The following WNT3 variants were observed in gnomAD, a reference collection of about 807,000 sequenced individuals.
The protein encoded by WNT3 is Wnt family member 3.
A neutral mutation model predicts 34.2 loss-of-function variants in WNT3; 7 were observed. The ratio of observed to expected loss-of-function variants is 0.20; its 90% confidence interval spans 0.12 to 0.38. The LOEUF (loss-of-function observed/expected upper bound fraction) is 0.38. WNT3 is among the 10% of genes least tolerant of loss of function. The pLI, the probability that WNT3 is intolerant of heterozygous loss-of-function variation, is 1.00. For missense variants in WNT3, 267 were observed against 499.8 expected (o/e 0.53, Z 4.44); for synonymous variants, 212 against 211.5 (o/e 1.00, Z -0.02).
intron 1 of WNT3, among the ~76,000 whole-genome samples, chr17:46,775,884 A>G (rs1004622870): frequency 6.6e-6 from 1 of 152,018 alleles, no homozygotes; most frequent in Non-Finnish European, 1.5e-5. Context: ...AAGTGCTGGG[A>G]TTACAGGCGC....
rs1198766941 is a variant in WNT3 at position 46,818,663 on chromosome 17, T to C, written c.-66A>G. ...AGAGGGGGAGCGACGCCCCCAATAG[T>C]TGGAACAAAGTCCACTTGAGATTGG... On this transcript the variant is annotated 5_prime_UTR_variant, in exon 1 of 5. Coordinates refer to ENST00000225512, the MANE Select transcript of WNT3 (RefSeq NM_030753.5). The C allele has an allele frequency of 6.3e-6, 9 of 1,433,642 alleles. No individual in the cohort carries two copies. The East Asian group carries it at 2.2e-4, about 35-fold the overall frequency. 88.8% of individuals were successfully genotyped at this position (1,433,642 alleles called of 1,614,324 possible).
At chr17:46,769,694 C>T in intron 3 of WNT3, 89 bp downstream of exon 3, 1 of 1,555,416 alleles carries the variant, frequency 6.4e-7, no homozygotes, top group South Asian at 1.1e-5. Flanking sequence ...ACAGGGCTGC[C>T]GGAAGGGGTG....
chr17:46,782,806 C>A (rs1329499584), intron 1 of WNT3, among the ~76,000 whole-genome samples: 1 of 152,232 alleles, frequency 6.6e-6, no homozygotes, highest in African/African-American at 2.4e-5. Context: ...ACCAGAGAAA[C>A]CTAGCTCAGG....
intron 2 of WNT3, among the ~76,000 whole-genome samples, chr17:46,772,528 T>G (rs1178836004): frequency 6.6e-6 from 1 of 151,756 alleles, no homozygotes; most frequent in Non-Finnish European, 1.5e-5. Flanking sequence ...CAAGAACGAG[T>G]TTGAAATGCA....
intron 1 of WNT3, among the ~76,000 whole-genome samples, chr17:46,808,673 TAGAG>T (rs2084228949): frequency 6.6e-6 from 1 of 152,064 alleles, no homozygotes; most frequent in African/African-American, 2.4e-5. Context: ...TGTTCCTAGA[TAGAG>T]AAACAACTTC....
chr17:46,793,177 G>A lies in WNT3; in HGVS notation c.81-19268C>T, dbSNP rs868436415. Among the ~76,000 whole-genome samples, 5 of 148,926 alleles carry A rather than the reference G, an allele frequency of 3.4e-5. No homozygotes were observed. In the South Asian group the frequency reaches 1.1e-3, roughly 32 times the overall value. On this transcript the variant is annotated intron_variant, in intron 1 of 4. Transcript: ENST00000225512. ...TAGTCCCAGCTACTTGAGAGGCTGA[G>A]TTGGGAGGATTGCTTGAGCCCAGGA...
chr17:46,767,612 T>A (rs2059325232), intron 4 of WNT3, among the ~76,000 whole-genome samples: 1 of 152,138 alleles, frequency 6.6e-6, no homozygotes. Flanking sequence ...ACTGACAAAG[T>A]TAGGACCAGA....
chr17:46,765,433 A>G (rs773562657), intron 4 of WNT3, among the ~76,000 whole-genome samples: 2 of 152,262 alleles, frequency 1.3e-5, no homozygotes, highest in Non-Finnish European at 2.9e-5. Flanking sequence ...GGTAAAAGCT[A>G]CAAAAAGCTA....
At chr17:46,776,234 G>A (rs1034162845) in intron 1 of WNT3, among the ~76,000 whole-genome samples, 1 of 152,172 alleles carries the variant, frequency 6.6e-6, no homozygotes, top group Non-Finnish European at 1.5e-5. Flanking sequence ...CTTCAGGCCT[G>A]GCCCATCTGC....
intron 1 of WNT3, among the ~76,000 whole-genome samples, chr17:46,779,700 C>T (rs112161801): frequency 3.9e-5 from 6 of 152,362 alleles, no homozygotes; most frequent in South Asian, 2.1e-4. Context: ...ACCCTGATAA[C>T]GCCTGCTGTG....
At chr17:46,777,885 C>T (rs976103451) in intron 1 of WNT3, among the ~76,000 whole-genome samples, 1 of 152,184 alleles carries the variant, frequency 6.6e-6, no homozygotes, top group Non-Finnish European at 1.5e-5. Context: ...TCCCTCTTTC[C>T]ACCAAACCCT....
Position 46,763,205 on chromosome 17 carries a change from C to G in WNT3, c.*1425G>C, listed in dbSNP as rs1300096960. On this transcript the variant is annotated 3_prime_UTR_variant, in exon 5 of 5. Transcript: ENST00000225512. The stretch of plus-strand genomic sequence containing the variant: ...AAGAAAAATCTTTGTTCTGCTCATT[C>G]CCCTGCTGCATCTCTTCTTTCTGAT... 1 of 152,170 alleles carries G rather than the reference C, an allele frequency of 6.6e-6. No individual in the cohort carries two copies. Among genetic ancestry groups the G allele is most frequent in the Admixed American group, 6.6e-5 (1 of 15,266 alleles). 9.4% of individuals were successfully genotyped at this position (152,170 alleles called of 1,614,324 possible).
rs375210034 is a variant in WNT3, at chr17:46,768,700, T to C, written c.688A>G (p.Ile230Val). 5.3e-5 allele frequency: 86 copies of C among 1,614,012 alleles called. No individual in the cohort carries two copies. The highest frequency in any genetic ancestry group is 6.7e-5 in the Non-Finnish European group (79 of 1,180,050). ...TACTTGTCCTTGAGGAAGTCACCGA[T>C]GGCACGGAAGTCAGGCTGCGCCCAC... ...CWWAQPDFRA[I>V]GDFLKDKYDS... Residue 230 changes from isoleucine (I) to valine (V), a missense_variant, in exon 4 of 5, where the codon ATC becomes GTC. This residue lies in a region of WNT3 where 181 missense variants were observed against 391.3 expected (regional missense o/e 0.46). Transcript: ENST00000225512. The surrounding 1 kb of genome is among the most constrained non-coding windows in gnomAD (Gnocchi z 5.0).
chr17:46,817,919 A>T (rs1189971041), intron 1 of WNT3, among the ~76,000 whole-genome samples: 3 of 151,996 alleles, frequency 2.0e-5, no homozygotes, highest in Non-Finnish European at 2.9e-5. Context: ...CAAATACCAT[A>T]TTCACTTCAG....
At chr17:46,774,758 G>A (rs1355733423) in intron 1 of WNT3, among the ~76,000 whole-genome samples, 3 of 152,192 alleles carry the variant, frequency 2.0e-5, no homozygotes, top group Non-Finnish European at 4.4e-5. Context: ...GGGCAGAAGA[G>A]TTTAAAATAC....
At position 46,806,350 on chromosome 17, in the gene WNT3, C is replaced by T. The variant is rs1484952848; in HGVS notation, c.80+12168G>A. 3.3e-5 allele frequency among the ~76,000 whole-genome samples: 5 copies of T among 151,764 alleles called. 1 individual carries two copies. Among genetic ancestry groups the T allele is most frequent in the Admixed American group, 3.3e-4 (5 of 15,238 alleles). On this transcript the variant is annotated intron_variant, in intron 1 of 4. Transcript: ENST00000225512. ...TCAGCCTCCCCAGTAGCTGGGATTACAGGCACGTGCCACCACGCCCGGCTA... is the reference window on the plus strand; with the variant it reads ...TCAGCCTCCCCAGTAGCTGGGATTATAGGCACGTGCCACCACGCCCGGCTA...
chr17:46,770,122 C>T, intron 2 of WNT3, 74 bp from the exon 3 acceptor site: 1 of 1,470,232 alleles, frequency 6.8e-7, no homozygotes, highest in Non-Finnish European at 9.0e-7. Flanking sequence ...ACCTCCCAGG[C>T]CAGGACGTGA....
intron 1 of WNT3, among the ~76,000 whole-genome samples, chr17:46,807,934 G>A (rs774595399): frequency 1.1e-4 from 17 of 152,148 alleles, no homozygotes; most frequent in Admixed American, 3.9e-4. Flanking sequence ...GCTGAAGGTC[G>A]AATTGTAAAA....
At chr17:46,792,763 C>T (rs536338688) in intron 1 of WNT3, among the ~76,000 whole-genome samples, 208 of 152,358 alleles carry the variant, frequency 1.4e-3, no homozygotes, top group Non-Finnish European at 2.0e-3. Context: ...TGAGCCATCA[C>T]GCCTGGCCAG....
Sources: gnomAD v4.1 joint callset for allele counts (sites outside exome capture counted in the v4.1 genomes callset) on GRCh38, gnomAD v4.1.1 for gene constraint, gnomAD v4.1.1 regional missense constraint, Gnocchi (gnomAD v3.1) non-coding constraint, MANE v1.5 for transcripts, NCBI Gene and HGNC (gene_info 2026-07-23, HGNC 2026-07-21) for gene names.